Variants in CHLSN observed in about 807,000 individuals in gnomAD.
CHLSN encodes the protein protein cholesin.
At chr7:1,040,754 C>T in the CHLSN span, among the ~76,000 whole-genome samples, 1 of 151,282 alleles carries the variant, frequency 6.6e-6, no homozygotes, top group African/African-American at 2.4e-5. Flanking sequence ...CTTTTCTCTG[C>T]AAAACCCTCA....
the CHLSN span, among the ~76,000 whole-genome samples, chr7:1,134,712 A>G: frequency 6.6e-6 from 1 of 151,352 alleles, no homozygotes; most frequent in African/African-American, 2.4e-5. Flanking sequence ...ACTAAAAAAT[A>G]CAAAAAATTA....
the CHLSN span, among the ~76,000 whole-genome samples, chr7:1,090,022 T>G: frequency 6.6e-5 from 10 of 151,374 alleles, no homozygotes; most frequent in Non-Finnish European, 1.0e-4. Flanking sequence ...AGGCGGCAGT[T>G]GCAGTGAGCC....
At chr7:1,074,313 A>C in the CHLSN span, 1 of 84,706 alleles carries the variant, frequency 1.2e-5, no homozygotes, top group Non-Finnish European at 2.4e-5. Flanking sequence ...CGGCCCCCGC[A>C]CCCTTGTCTG....
At chr7:1,012,661 A>G in the CHLSN span, among the ~76,000 whole-genome samples, 1 of 152,220 alleles carries the variant, frequency 6.6e-6, no homozygotes, top group East Asian at 1.9e-4. Flanking sequence ...TGTGCCTGAC[A>G]CTGGCCGGTG....
chr7:1,035,378 C>A, the CHLSN span, among the ~76,000 whole-genome samples: 1 of 152,246 alleles, frequency 6.6e-6, no homozygotes. Flanking sequence ...TGAGCGTAAA[C>A]CCAGTAATGG....
At chr7:991,534 C>T in the CHLSN span, among the ~76,000 whole-genome samples, 27,125 of 151,930 alleles carry the variant, frequency 0.18, 3,254 homozygotes, top group African/African-American at 0.35. Flanking sequence ...GCCACCTTCT[C>T]GACCGGGCAG....
the CHLSN span, among the ~76,000 whole-genome samples, chr7:1,134,728 G>C: frequency 6.6e-6 from 1 of 151,592 alleles, no homozygotes; most frequent in African/African-American, 2.4e-5. Context: ...AATTAGCTGG[G>C]CATAGTGGCG....
At chr7:1,136,379 A>AACATATAAAT in the CHLSN span, among the ~76,000 whole-genome samples, 5 of 100,228 alleles carry the variant, frequency 5.0e-5, no homozygotes, top group South Asian at 2.8e-4. Flanking sequence ...AATATATATA[A>AACATATAAAT]ATATATAAAC....
chr7:1,058,077 G>A, the CHLSN span: 51 of 767,080 alleles, frequency 6.6e-5, no homozygotes, highest in Admixed American at 3.2e-4. Flanking sequence ...AGAAGCTGCC[G>A]ACGCCACGCT....
chr7:1,001,034 G>A, the CHLSN span, among the ~76,000 whole-genome samples: 3 of 152,222 alleles, frequency 2.0e-5, no homozygotes, highest in Non-Finnish European at 1.5e-5. Flanking sequence ...TAGAGGGGCC[G>A]CTCCCCAGGG....
At chr7:1,114,129 C>T in the CHLSN span, among the ~76,000 whole-genome samples, 1 of 152,250 alleles carries the variant, frequency 6.6e-6, no homozygotes, top group Non-Finnish European at 1.5e-5. Flanking sequence ...TGATCATTTC[C>T]CACAATAAAC....
chr7:1,010,487 C>A, the CHLSN span, among the ~76,000 whole-genome samples: 1 of 152,200 alleles, frequency 6.6e-6, no homozygotes, highest in South Asian at 2.1e-4. Context: ...AGATCCGGGC[C>A]GGCCCCCAGG....
At chr7:1,010,896 A>C in the CHLSN span, among the ~76,000 whole-genome samples, 1 of 151,552 alleles carries the variant, frequency 6.6e-6, no homozygotes, top group Non-Finnish European at 1.5e-5. Context: ...ACTCCGAGCA[A>C]GGCCAGGAGC....
chr7:1,127,320 C>A, the CHLSN span: 1 of 1,611,376 alleles, frequency 6.2e-7, no homozygotes, highest in South Asian at 1.1e-5. Flanking sequence ...CCTCTGCTGA[C>A]GCCTTCTTCA....
At chr7:991,583 C>G in the CHLSN span, among the ~76,000 whole-genome samples, 1 of 152,252 alleles carries the variant, frequency 6.6e-6, no homozygotes, top group African/African-American at 2.4e-5. Flanking sequence ...CTCAGGCTGC[C>G]GGCCAGGTGC....
the CHLSN span, chr7:1,059,403 T>C: frequency 1.3e-5 from 2 of 152,358 alleles, no homozygotes; most frequent in African/African-American, 4.8e-5. Flanking sequence ...AGCATCCGTA[T>C]CTCCGCGGCC....
chr7:988,605 G>T, the CHLSN span: 1 of 1,603,110 alleles, frequency 6.2e-7, no homozygotes, highest in Non-Finnish European at 8.5e-7. Context: ...GCCTGGTGCA[G>T]CCCACTCTGT....
the CHLSN span, among the ~76,000 whole-genome samples, chr7:1,096,885 G>A: frequency 1.3e-5 from 2 of 152,308 alleles, no homozygotes; most frequent in East Asian, 3.9e-4. This position sits in a 1 kb window ranked among gnomAD's most constrained non-coding sequence, Gnocchi z 4.6. Context: ...GGGGCAGGGT[G>A]GGGGAGAGAA....
At chr7:1,015,996 G>A in the CHLSN span, among the ~76,000 whole-genome samples, 1 of 143,392 alleles carries the variant, frequency 7.0e-6, no homozygotes, top group Non-Finnish European at 1.6e-5. Context: ...TAGTGTCTGA[G>A]GTGTCACATG....
Sources: allele counts gnomAD v4.1 joint callset (sites outside exome capture counted in the v4.1 genomes callset), GRCh38; gene constraint gnomAD v4.1.1; non-coding constraint Gnocchi (gnomAD v3.1); transcripts MANE v1.5; gene names NCBI Gene and HGNC (gene_info 2026-07-23, HGNC 2026-07-21).